NRG1: variants seen among roughly 807,000 people sequenced by gnomAD.
The protein encoded by NRG1 is pro-neuregulin-1, membrane-bound isoform.
A neutral mutation model predicts 63.8 loss-of-function variants in NRG1; 18 were observed. That is an observed-to-expected ratio of 0.28 (90% CI 0.19 to 0.42). The LOEUF is 0.42. Among genes scored for constraint, NRG1 ranks in the 10% least tolerant of loss-of-function variants. The pLI, the probability that NRG1 is intolerant of heterozygous loss-of-function variation, is 1.00. For synonymous variants in NRG1, 302 were observed against 301.3 expected (o/e 1.00, Z -0.02); for missense variants, 762 against 814.7 (o/e 0.94, Z 0.79).
chr8:32,038,212 C>G (rs1328058040), intron 1 of NRG1, among the ~76,000 whole-genome samples: 1 of 152,170 alleles, frequency 6.6e-6, no homozygotes, highest in South Asian at 2.1e-4. Context: ...ACCTCACCAG[C>G]TTCCTCGGCT....
At chr8:32,132,159 A>G (rs928801708) in intron 1 of NRG1, among the ~76,000 whole-genome samples, 1 of 152,048 alleles carries the variant, frequency 6.6e-6, no homozygotes, top group African/African-American at 2.4e-5. Flanking sequence ...AGGGACTACA[A>G]TGGGAGGCTT....
intron 1 of NRG1, among the ~76,000 whole-genome samples, chr8:31,869,248 A>G (rs1379342876): frequency 6.6e-6 from 1 of 152,106 alleles, no homozygotes; most frequent in Non-Finnish European, 1.5e-5. Flanking sequence ...CCCAACTGCA[A>G]TTCAGTCCAA....
intron 1 of NRG1, among the ~76,000 whole-genome samples, chr8:32,324,526 T>C (rs1801780591): frequency 6.6e-6 from 1 of 152,138 alleles, no homozygotes; most frequent in East Asian, 1.9e-4. Flanking sequence ...GGGGAAGGCA[T>C]CTCTGAAACA....
At chr8:32,387,242 A>C (rs1305522567) in intron 1 of NRG1, among the ~76,000 whole-genome samples, 1 of 152,212 alleles carries the variant, frequency 6.6e-6, no homozygotes, top group African/African-American at 2.4e-5. Context: ...ACAGTTCATC[A>C]CTTTATTGAC....
intron 1 of NRG1, among the ~76,000 whole-genome samples, chr8:32,042,311 G>A (rs1360343748): frequency 1.3e-5 from 2 of 151,890 alleles, no homozygotes; most frequent in African/African-American, 2.4e-5. Flanking sequence ...TAAAAAGCTG[G>A]GCATAGTGGC....
chr8:32,381,226 C>T (rs896610588), intron 1 of NRG1, among the ~76,000 whole-genome samples: 1 of 152,218 alleles, frequency 6.6e-6, no homozygotes, highest in Non-Finnish European at 1.5e-5. Context: ...ACTGTTTCCT[C>T]TACCTGGAAC....
At chr8:32,656,641 AT>A (rs1235254091) in intron 5 of NRG1, among the ~76,000 whole-genome samples, 1 of 152,182 alleles carries the variant, frequency 6.6e-6, no homozygotes, top group Non-Finnish European at 1.5e-5. Flanking sequence ...TCCTTTGTTC[AT>A]CTTGATTGTT....
chr8:31,658,754 C>T (rs1805680553), intron 1 of NRG1, among the ~76,000 whole-genome samples: 1 of 152,202 alleles, frequency 6.6e-6, no homozygotes, highest in Non-Finnish European at 1.5e-5. Flanking sequence ...TGAGCCGCCA[C>T]ACCTGGCCAC....
chr8:32,596,001 C>T (rs1256549150), exon 2 of NRG1: 3 of 1,612,084 alleles, frequency 1.9e-6, no homozygotes, highest in Non-Finnish European at 2.5e-6. Context: ...ACAAAAAAAG[C>T]CAGGGTAAGT....
intron 5 of NRG1, among the ~76,000 whole-genome samples, chr8:32,712,041 A>C (rs1263029476): frequency 2.0e-5 from 3 of 152,158 alleles, no homozygotes; most frequent in African/African-American, 7.2e-5. Flanking sequence ...CCCTTACCGT[A>C]CATGGCCCTT....
At chr8:31,953,854 G>A (rs1051267648) in intron 1 of NRG1, among the ~76,000 whole-genome samples, 24 of 152,284 alleles carry the variant, frequency 1.6e-4, no homozygotes, top group African/African-American at 4.6e-4. Flanking sequence ...TGTCGCACAC[G>A]GAAAGAAGGA....
chr8:31,833,361 T>C (rs1352722959), intron 1 of NRG1, among the ~76,000 whole-genome samples: 1 of 152,172 alleles, frequency 6.6e-6, no homozygotes, highest in East Asian at 1.9e-4. Context: ...ATTATGAATA[T>C]CCTTCTGGAA....
At chr8:32,543,353 T>C (rs1482939310), upstream of NRG1, among the ~76,000 whole-genome samples, 2 of 152,166 alleles carry the variant, frequency 1.3e-5, no homozygotes, top group African/African-American at 4.8e-5. Context: ...ATTTGCATCA[T>C]ATACACATCT....
chr8:32,010,341 T>A lies in NRG1; in HGVS notation c.37+370910T>A, dbSNP rs760660980. On this transcript the variant is annotated intron_variant, in intron 1 of 10. Coordinates refer to the NRG1 transcript ENST00000519301. ...CATTAGGTTGTTTTGCAAACCCATG[T>A]AGGTGATCCTGGTAGATTAGATTTA... 9.5e-4 allele frequency among the ~76,000 whole-genome samples: 145 copies of A among 152,214 alleles called. 1 individual carries two copies. The highest frequency in any genetic ancestry group is 1.8e-3 in the Non-Finnish European group (122 of 67,990).
intron 1 of NRG1, among the ~76,000 whole-genome samples, chr8:32,083,895 A>AT (rs1420725595): frequency 6.6e-6 from 1 of 152,126 alleles, no homozygotes; most frequent in Non-Finnish European, 1.5e-5. Context: ...TTCAAAGGAA[A>AT]TTTTTCCCAG....
chr8:31,945,921 T>TA (rs1802471409), intron 1 of NRG1, among the ~76,000 whole-genome samples: 1 of 152,222 alleles, frequency 6.6e-6, no homozygotes, highest in South Asian at 2.1e-4. Flanking sequence ...CACCATTTAC[T>TA]ATGTTCTGAA....
chr8:32,698,796 A>C lies in NRG1; in HGVS notation c.503-29153A>C, dbSNP rs1343829934. Among the ~76,000 whole-genome samples the C allele has an allele frequency of 2.0e-5, 3 of 152,286 alleles. No individual in the cohort carries two copies. The East Asian group carries it at 5.8e-4, about 29-fold the overall frequency. ...ATCAAATATATCATGAAATTGAAAC[A>C]ATAAAACCACCCCCCATAGAGCTGT... On this transcript the variant is annotated intron_variant, in intron 5 of 11. Transcript: ENST00000356819.
At chr8:32,391,702 T>C (rs1413230852) in intron 1 of NRG1, among the ~76,000 whole-genome samples, 2 of 152,210 alleles carry the variant, frequency 1.3e-5, no homozygotes, top group Non-Finnish European at 2.9e-5. Context: ...TCTCGTTCTT[T>C]TTTATGGCTG....
intron 1 of NRG1, among the ~76,000 whole-genome samples, chr8:31,971,021 G>A (rs969178221): frequency 2.0e-5 from 3 of 151,388 alleles, no homozygotes; most frequent in Non-Finnish European, 4.4e-5. Context: ...TCCAGCCTGG[G>A]CAACAGAGTG....
Sources: allele counts gnomAD v4.1 joint callset (sites outside exome capture counted in the v4.1 genomes callset), GRCh38; gene constraint gnomAD v4.1.1; transcripts MANE v1.5; gene names NCBI Gene and HGNC (gene_info 2026-07-23, HGNC 2026-07-21).